The following CUL5 variants were observed in gnomAD, a reference collection of about 807,000 sequenced individuals.
CUL5 encodes the protein cullin-5.
A neutral mutation model predicts 108.8 loss-of-function variants in CUL5; 26 were observed. The observed-to-expected ratio is 0.24, with a 90% CI of 0.18 to 0.33. The LOEUF (loss-of-function observed/expected upper bound fraction) is 0.33, where lower values mean the gene tolerates loss of function less well. Among genes scored for constraint, CUL5 ranks in the 10% least tolerant of loss-of-function variants. The pLI is 1.00. For missense variants in CUL5, 524 were observed against 909.2 expected (o/e 0.58, Z 5.45); for synonymous variants, 334 against 298.0 (o/e 1.12, Z -1.25).
Position 108,097,571 on chromosome 11 carries a change from G to C in CUL5, c.1906-65G>C, listed in dbSNP as rs904613333. On this transcript the variant is annotated intron_variant, in intron 16 of 18. Transcript: ENST00000393094. ...TTTCTTGCCTATGTTGATTATGTGG[G>C]AGAATTGATCTTAGTATTCCATACT... 3.5e-6 allele frequency: 3 copies of C among 862,800 alleles called. No homozygotes were observed. The Admixed American group carries it at 6.2e-5, about 18-fold the overall frequency. The allele number at this position is 862,800 out of a possible 1,614,324, so 53.4% of individuals were successfully genotyped here.
intron 7 of CUL5, 71 bp from the exon 8 acceptor site, chr11:108,070,025 A>T: frequency 1.1e-6 from 1 of 943,426 alleles, no homozygotes; most frequent in Non-Finnish European, 1.6e-6. Context: ...ATATTGTTTT[A>T]TTTTGTGAGT....
chr11:108,063,155 G>T (rs879864711), intron 7 of CUL5, among the ~76,000 whole-genome samples: 6 of 151,908 alleles, frequency 3.9e-5, no homozygotes, highest in Non-Finnish European at 5.9e-5. Flanking sequence ...ATTCATTCTG[G>T]TTTTTTTGTA....
chr11:108,082,794 G>A (rs1376806699), intron 11 of CUL5, among the ~76,000 whole-genome samples: 4 of 148,380 alleles, frequency 2.7e-5, no homozygotes, highest in East Asian at 1.9e-4. Context: ...CACCATGCCC[G>A]GCTAATTTTT....
At chr11:108,087,769 A>G (rs1346619262) in intron 11 of CUL5, among the ~76,000 whole-genome samples, 1 of 151,498 alleles carries the variant, frequency 6.6e-6, no homozygotes, top group Admixed American at 6.6e-5. Context: ...GTTTGAGACC[A>G]GCCTGGCCAA....
At chr11:108,096,343 AAAAC>A (rs1203186622) in intron 16 of CUL5, among the ~76,000 whole-genome samples, 57 of 150,888 alleles carry the variant, frequency 3.8e-4, no homozygotes, top group African/African-American at 1.4e-3. Flanking sequence ...AAAAAAAAAA[AAAAC>A]AAATTAGCCA....
At chr11:108,049,836 T>C (rs942788487) in intron 3 of CUL5, 54 bp from the exon 4 acceptor site, 9 of 1,442,804 alleles carry the variant, frequency 6.2e-6, no homozygotes, top group Admixed American at 2.1e-5. Flanking sequence ...AATATGTTCT[T>C]AATTTTTCAA....
intron 7 of CUL5, among the ~76,000 whole-genome samples, chr11:108,063,913 T>G (rs1174707585): frequency 6.6e-6 from 1 of 152,234 alleles, no homozygotes; most frequent in Non-Finnish European, 1.5e-5. Flanking sequence ...GCCTGTCTTA[T>G]AGATAAAAGC....
chr11:108,009,231 C>A lies in CUL5; in HGVS notation c.-118C>A. ...CGGCGCGCTGCTCCAGCGCCCACCACACCCTGGTGCGGGCCGACGGGCCCT... is the reference window on the plus strand; with the variant it reads ...CGGCGCGCTGCTCCAGCGCCCACCAAACCCTGGTGCGGGCCGACGGGCCCT... On this transcript the variant is annotated 5_prime_UTR_variant, in exon 1 of 19. Transcript: ENST00000393094. 1 of 1,090,712 alleles carries A rather than the reference C, an allele frequency of 9.2e-7. No homozygotes were observed. Among genetic ancestry groups the A allele is most frequent in the African/African-American group, 1.6e-5 (1 of 64,400 alleles). 67.6% of individuals were successfully genotyped at this position (1,090,712 alleles called of 1,614,324 possible).
intron 7 of CUL5, among the ~76,000 whole-genome samples, chr11:108,062,568 ATTTT>A (rs1171848546): frequency 4.0e-5 from 6 of 148,906 alleles, no homozygotes; most frequent in African/African-American, 1.5e-4. Context: ...TTAAATATTT[ATTTT>A]ATAAATATAA....
chr11:108,070,443 T>A (rs555980582), intron 8 of CUL5, among the ~76,000 whole-genome samples: 10 of 152,156 alleles, frequency 6.6e-5, no homozygotes, highest in Admixed American at 3.9e-4. Context: ...TTCTACTTTT[T>A]TCTCAAAAGC....
At chr11:108,013,486 G>GTC (rs942307628) in intron 1 of CUL5, among the ~76,000 whole-genome samples, 4 of 151,834 alleles carry the variant, frequency 2.6e-5, no homozygotes, top group African/African-American at 4.8e-5. Context: ...TCTGTCTCTT[G>GTC]TCTCTCTCTC....
intron 1 of CUL5, among the ~76,000 whole-genome samples, chr11:108,020,535 A>ATTT (rs34112083): frequency 1.3e-5 from 2 of 148,184 alleles, no homozygotes; most frequent in Non-Finnish European, 1.5e-5. Flanking sequence ...TGTGTTTGTG[A>ATTT]TTTTTTTTTT....
At position 108,054,873 on chromosome 11, in the gene CUL5, A is replaced by G; in HGVS notation, c.700-2A>G. ...AATGATTGCTATTTTGCTTCTGGAC[A>G]GGCAGATGCTAAATTAAAAGAAGAA... On this transcript the variant is annotated splice_acceptor_variant, in intron 6 of 18. Coordinates refer to ENST00000393094, the MANE Select transcript of CUL5 (RefSeq NM_003478.6). LOFTEE classifies it high-confidence loss of function. The G allele has an allele frequency of 6.2e-7, 1 of 1,607,390 alleles. No homozygotes were observed. The highest frequency in any genetic ancestry group is 8.5e-7 in the Non-Finnish European group (1 of 1,178,242).
chr11:108,070,217 A>T (rs770335374), intron 8 of CUL5, 28 bp downstream of exon 8: 4 of 1,497,616 alleles, frequency 2.7e-6, no homozygotes, highest in Non-Finnish European at 2.8e-6. Context: ...TAAAGTTATC[A>T]TAATCTTCTA....
chr11:108,028,925 C>T (rs1002945019), intron 1 of CUL5, among the ~76,000 whole-genome samples: 12 of 152,192 alleles, frequency 7.9e-5, no homozygotes, highest in African/African-American at 2.9e-4. Flanking sequence ...TTATAATGGC[C>T]TTCAGGGTCC....
intron 1 of CUL5, among the ~76,000 whole-genome samples, chr11:108,030,005 G>C (rs926796919): frequency 6.6e-6 from 1 of 152,160 alleles, no homozygotes; most frequent in Non-Finnish European, 1.5e-5. Flanking sequence ...TTCCATGTCA[G>C]TCAAGAAAAG....
chr11:108,065,833 TC>T (rs1455049950), intron 7 of CUL5, among the ~76,000 whole-genome samples: 1 of 152,088 alleles, frequency 6.6e-6, no homozygotes, highest in Non-Finnish European at 1.5e-5. Flanking sequence ...AATTTGGTGT[TC>T]CTGCAGGAGG....
At chr11:108,087,462 G>T (rs1474791598) in intron 11 of CUL5, among the ~76,000 whole-genome samples, 1 of 152,054 alleles carries the variant, frequency 6.6e-6, no homozygotes, top group Admixed American at 6.6e-5. Context: ...AGAGAAGTAG[G>T]ATTAAAAAAT....
intron 1 of CUL5, among the ~76,000 whole-genome samples, chr11:108,032,149 C>T (rs1862602970): frequency 6.6e-6 from 1 of 152,182 alleles, no homozygotes; most frequent in Admixed American, 6.5e-5. Context: ...GCACATCCTA[C>T]ACATGTACCC....
Sources: allele counts gnomAD v4.1 joint callset (sites outside exome capture counted in the v4.1 genomes callset), GRCh38; gene constraint gnomAD v4.1.1; transcripts MANE v1.5; gene names NCBI Gene and HGNC (gene_info 2026-07-23, HGNC 2026-07-21).